Variants in TENM3 observed in about 807,000 individuals in gnomAD.
TENM3 encodes teneurin-3.
A neutral mutation model predicts 255.1 loss-of-function variants in TENM3; 63 were observed. The observed-to-expected ratio is 0.25, with a 90% confidence interval of 0.20 to 0.30. TENM3 has a LOEUF of 0.30. Among genes scored for constraint, TENM3 ranks in the 10% least tolerant of loss-of-function variants. The probability of loss-of-function intolerance (pLI) is 1.00; values close to 1 mark genes in which losing one functional copy is unlikely to be tolerated. For missense variants in TENM3, 2,929 were observed against 3,461.1 expected, an observed-to-expected ratio of 0.85 and a Z score of 3.86; for synonymous variants, 1,306 against 1,322.3, an observed-to-expected ratio of 0.99 and a Z score of 0.27.
chr4:181,558,831 A>G, the TENM3 span, among the ~76,000 whole-genome samples: 1 of 152,246 alleles, frequency 6.6e-6, no homozygotes, highest in Admixed American at 6.5e-5. Flanking sequence ...AAAGTTTTCA[A>G]GGAATTAAAA....
intron 6 of TENM3, among the ~76,000 whole-genome samples, chr4:182,661,885 A>G (rs1262767171): frequency 6.6e-6 from 1 of 152,182 alleles, no homozygotes; most frequent in Admixed American, 6.5e-5. Flanking sequence ...TTCACTCATT[A>G]TAGGCTTGTT....
At chr4:181,570,139 G>A in the TENM3 span, among the ~76,000 whole-genome samples, 61 of 145,560 alleles carry the variant, frequency 4.2e-4, 1 homozygote, top group Middle Eastern at 3.6e-3. Context: ...TCCGCCTCCC[G>A]GGTTCACGCC....
At chr4:182,199,786 C>T (rs937682615) in intron 1 of TENM3, among the ~76,000 whole-genome samples, 6 of 135,024 alleles carry the variant, frequency 4.4e-5, no homozygotes, top group Middle Eastern at 5.7e-3. Context: ...AGTGCAGTGG[C>T]GCAATCACAG....
chr4:182,732,177 T>G (rs937814287), intron 16 of TENM3, among the ~76,000 whole-genome samples: 1 of 138,172 alleles, frequency 7.2e-6, no homozygotes, highest in Non-Finnish European at 1.6e-5. Flanking sequence ...AAACTGTAGC[T>G]TAAACTCAAT....
chr4:182,594,682 T>C (rs966499182), intron 3 of TENM3, among the ~76,000 whole-genome samples: 3 of 118,244 alleles, frequency 2.5e-5, no homozygotes, highest in Non-Finnish European at 5.2e-5. Context: ...TTTTTTGTTT[T>C]GGTGTGTGTG....
At chr4:182,142,355 T>C (rs1749506943), upstream of TENM3, 1 of 161,876 alleles carries the variant, frequency 6.2e-6, no homozygotes, top group Non-Finnish European at 1.5e-5. Flanking sequence ...CGCGCTGCGC[T>C]CGGGCACTTA....
At chr4:181,651,323 G>A in the TENM3 span, among the ~76,000 whole-genome samples, 324 of 152,148 alleles carry the variant, frequency 2.1e-3, 5 homozygotes, top group East Asian at 0.037. Flanking sequence ...CCTGATGGCC[G>A]GCACGGTGGC....
chr4:181,630,131 G>C, the TENM3 span, among the ~76,000 whole-genome samples: 1 of 152,308 alleles, frequency 6.6e-6, no homozygotes, highest in Non-Finnish European at 1.5e-5. Flanking sequence ...GCATAGAGGT[G>C]TTTATAGTAG....
intron 3 of TENM3, among the ~76,000 whole-genome samples, chr4:182,377,684 T>A (rs1235257518): frequency 6.6e-6 from 1 of 152,186 alleles, no homozygotes; most frequent in East Asian, 1.9e-4. Flanking sequence ...GTCATATATG[T>A]AAAACAAATC....
At chr4:182,070,205 A>G in the TENM3 span, among the ~76,000 whole-genome samples, 1 of 152,192 alleles carries the variant, frequency 6.6e-6, no homozygotes, top group Non-Finnish European at 1.5e-5. Context: ...GCTCATGTCC[A>G]TCTCCCCACC....
At chr4:182,271,219 G>A (rs1305793759) in intron 1 of TENM3, among the ~76,000 whole-genome samples, 4 of 152,042 alleles carry the variant, frequency 2.6e-5, no homozygotes, top group East Asian at 1.9e-4. Flanking sequence ...GCTAGTTATC[G>A]CCTTACAGCA....
At chr4:182,083,608 C>T in the TENM3 span, among the ~76,000 whole-genome samples, 2 of 152,112 alleles carry the variant, frequency 1.3e-5, no homozygotes, top group Non-Finnish European at 2.9e-5. Context: ...TTATGAGATG[C>T]AAACGACAGA....
intron 16 of TENM3, 132 bp downstream of exon 16, chr4:182,731,271 C>T (rs368695094): frequency 2.1e-5 from 18 of 843,554 alleles, no homozygotes; most frequent in East Asian, 5.3e-5. Context: ...TTTGGGAGGC[C>T]GAGGTGGGCA....
chr4:181,658,308 G>A, the TENM3 span, among the ~76,000 whole-genome samples: 736 of 152,224 alleles, frequency 4.8e-3, 5 homozygotes, highest in Middle Eastern at 0.014. Flanking sequence ...AAAGCATTTC[G>A]GGAGATTGGC....
At chr4:181,661,715 G>C in the TENM3 span, among the ~76,000 whole-genome samples, 10 of 151,942 alleles carry the variant, frequency 6.6e-5, no homozygotes, top group Non-Finnish European at 8.8e-5. Flanking sequence ...TGCTCCAGTT[G>C]GTTGCTGTAG....
chr4:182,346,809 G>A lies in TENM3; in HGVS notation c.391G>A (p.Ala131Thr). The A allele has an allele frequency of 6.2e-7, 1 of 1,613,462 alleles. No homozygotes were observed. Among genetic ancestry groups the A allele is most frequent in the East Asian group, 2.2e-5 (1 of 44,836 alleles). ...ENEAVMSPEH[A>T]MRLWGRGVKS... ...TGAAGCAGTGATGTCCCCAGAGCAT[G>A]CCATGAGACTTTGGGGCAGGGGGGT... The change falls in exon 3 of 28, where the codon GCC becomes ACC. Residue 131 changes from alanine to threonine, a missense_variant. By Grantham distance (58) the Ala-to-Thr change is moderately conservative (BLOSUM62 0). Around this residue, in one of 6 missense-constraint regions of TENM3, gnomAD observed 283 missense variants for 256.9 expected, o/e 1.10. Coordinates refer to ENST00000511685, the MANE Select transcript of TENM3 (RefSeq NM_001080477.4).
the TENM3 span, among the ~76,000 whole-genome samples, chr4:181,791,614 C>A: frequency 6.6e-6 from 1 of 152,110 alleles, no homozygotes; most frequent in Non-Finnish European, 1.5e-5. Flanking sequence ...CAGTCCAGCA[C>A]ATTTTAAGAA....
At chr4:182,359,590 T>C (rs2150765639) in intron 3 of TENM3, among the ~76,000 whole-genome samples, 1 of 148,422 alleles carries the variant, frequency 6.7e-6, no homozygotes, top group South Asian at 2.3e-4. Flanking sequence ...TTTTATTGCA[T>C]CTATTTGATT....
At chr4:182,698,318 A>G (rs1326759990) in intron 12 of TENM3, among the ~76,000 whole-genome samples, 1 of 152,212 alleles carries the variant, frequency 6.6e-6, no homozygotes, top group African/African-American at 2.4e-5. Flanking sequence ...GGTGGTAGTA[A>G]TTTGGACTCT....
Sources: allele counts gnomAD v4.1 joint callset (sites outside exome capture counted in the v4.1 genomes callset), GRCh38; gene constraint gnomAD v4.1.1; regional missense constraint gnomAD v4.1.1; transcripts MANE v1.5; gene names NCBI Gene and HGNC (gene_info 2026-07-23, HGNC 2026-07-21).